The following LMF1 variants were observed in gnomAD, a reference collection of about 807,000 sequenced individuals.
The protein encoded by LMF1 is transmembrane protein 112.
LMF1 carries 68 observed loss-of-function variants against 60.6 expected under a neutral mutation model. The observed-to-expected ratio is 1.12, with a 90% CI of 0.92 to 1.37. LMF1 has a LOEUF of 1.37. Ranked by LOEUF, LMF1 falls within the 40% of genes most tolerant of loss-of-function variation. The pLI is 0.00. For missense variants in LMF1, 948 were observed against 767.2 expected (o/e 1.24, Z -2.78); for synonymous variants, 418 against 324.7 (o/e 1.29, Z -3.09).
chr16:977,486 T>C (rs2073181865), intron 1 of LMF1, among the ~76,000 whole-genome samples: 1 of 152,056 alleles, frequency 6.6e-6, no homozygotes, highest in South Asian at 2.1e-4. Flanking sequence ...AAGCACCAAT[T>C]AATCTCCCAG....
At chr16:869,315 C>T in intron 9 of LMF1, 1 of 671,860 alleles carries the variant, frequency 1.5e-6, no homozygotes, top group South Asian at 1.5e-5. Flanking sequence ...CCCCAGCACC[C>T]TCTGTCTGGG....
chr16:968,536 T>G (rs1279925474), intron 1 of LMF1: 1 of 152,148 alleles, frequency 6.6e-6, no homozygotes, highest in Non-Finnish European at 1.5e-5. Context: ...ATCCAGAACT[T>G]TCTAGAAGGA....
At chr16:906,076 C>T (rs191527887) in intron 4 of LMF1, among the ~76,000 whole-genome samples, 3 of 152,348 alleles carry the variant, frequency 2.0e-5, no homozygotes, top group East Asian at 1.9e-4. Context: ...GGGGGGTTCA[C>T]TTATCCAGGT....
intron 10 of LMF1, chr16:855,815 A>G: frequency 2.2e-6 from 1 of 455,570 alleles, no homozygotes; most frequent in Middle Eastern, 3.3e-4. Flanking sequence ...TGCTGTCATT[A>G]TTTGGGGCTT....
intron 3 of LMF1, chr16:933,198 G>A (rs1357969256): frequency 2.6e-5 from 4 of 152,294 alleles, no homozygotes; most frequent in Admixed American, 2.6e-4. Context: ...GGAAACCCAT[G>A]AGTGACAGTG....
At chr16:924,076 T>C (rs4984983) in intron 3 of LMF1, among the ~76,000 whole-genome samples, 7 of 152,022 alleles carry the variant, frequency 4.6e-5, no homozygotes, top group South Asian at 2.1e-4. Context: ...AGTCACAATA[T>C]TTACAGAGTC....
chr16:981,336 GA>G, upstream of LMF1: 4 of 333,194 alleles, frequency 1.2e-5, no homozygotes, highest in South Asian at 2.3e-5. Flanking sequence ...GAGAGAGAGA[GA>G]GAGAGAGAGA....
chr16:877,268 T>G (rs1036406659), intron 6 of LMF1, among the ~76,000 whole-genome samples: 11 of 152,096 alleles, frequency 7.2e-5, no homozygotes, highest in African/African-American at 2.7e-4. Flanking sequence ...GCCAAAAGAT[T>G]TGAAAACAGA....
intron 6 of LMF1, 151 bp downstream of exon 6, chr16:879,419 T>G (rs1376876790): frequency 2.2e-6 from 2 of 918,804 alleles, no homozygotes; most frequent in Non-Finnish European, 3.2e-6. Context: ...GTGGGGCCCG[T>G]GACACAAACG....
intron 2 of LMF1, among the ~76,000 whole-genome samples, chr16:941,357 C>T (rs1469942720): frequency 6.6e-6 from 1 of 152,170 alleles, no homozygotes; most frequent in Non-Finnish European, 1.5e-5. Flanking sequence ...GTGGCTGGGA[C>T]TACAGGCACG....
At position 970,905 on chromosome 16, in the gene LMF1, C is replaced by T. The variant is rs1262487007; in HGVS notation, c.76G>A (p.Glu26Lys). Reference sequence around the variant, plus strand: ...CCCGGCGCGGGCGGCGACTCAGGCTCCGGATCCGAGTACCCAGTCTTCCGC... The same window carrying T: ...CCCGGCGCGGGCGGCGACTCAGGCTTCGGATCCGAGTACCCAGTCTTCCGC... ...RRRKTGYSDP[E>K]PESPPAPGRG... The change falls in exon 1 of 11, where the codon GAG (glutamate) becomes AAG (lysine). Residue 26 changes from glutamate to lysine, a missense_variant. By Grantham distance (56) the Glu-to-Lys change is moderately conservative (BLOSUM62 1). Transcript: ENST00000262301. 3.8e-6 allele frequency: 6 copies of T among 1,581,440 alleles called. No individual in the cohort carries two copies. The highest frequency in any genetic ancestry group is 4.3e-6 in the Non-Finnish European group (5 of 1,165,488).
At chr16:857,474 TGA>T (rs1491385018) in intron 10 of LMF1, among the ~76,000 whole-genome samples, 2 of 113,526 alleles carry the variant, frequency 1.8e-5, no homozygotes, top group Non-Finnish European at 3.7e-5. Flanking sequence ...GGGACGGGTG[TGA>T]GTGGTGTCAC....
At chr16:978,110 CCA>C (rs1567350799) in intron 1 of LMF1, among the ~76,000 whole-genome samples, 1 of 139,448 alleles carries the variant, frequency 7.2e-6, no homozygotes, top group Admixed American at 7.0e-5. Context: ...CACACACACA[CCA>C]CACACCATAC....
chr16:863,283 G>A (rs571047836), intron 10 of LMF1, among the ~76,000 whole-genome samples: 1 of 152,270 alleles, frequency 6.6e-6, no homozygotes, highest in South Asian at 2.1e-4. Context: ...TGGGACTACA[G>A]GCACCTGCCA....
intron 3 of LMF1, chr16:933,871 G>T: frequency 1.0e-6 from 1 of 974,978 alleles, no homozygotes; most frequent in Non-Finnish European, 1.4e-6. Context: ...GCCCACCAGC[G>T]TGAGTGCCGT....
intron 5 of LMF1, among the ~76,000 whole-genome samples, chr16:884,603 C>T (rs185204266): frequency 7.9e-5 from 12 of 151,920 alleles, no homozygotes; most frequent in South Asian, 6.3e-4. Flanking sequence ...TGGATCTCCA[C>T]GCAGGAGTGA....
chr16:896,734 C>T lies in LMF1; in HGVS notation c.664-3662G>A, dbSNP rs74004017. ...CACCAGCTCTGCTCCCTGCAGAATCCGAGAGTGGAACTCTATGGAGATTCA... is the reference window on the plus strand; with the variant it reads ...CACCAGCTCTGCTCCCTGCAGAATCTGAGAGTGGAACTCTATGGAGATTCA... On this transcript the variant is annotated intron_variant, in intron 4 of 10. Transcript: ENST00000262301. Among the ~76,000 whole-genome samples, 648 of 152,080 alleles carry T rather than the reference C, an allele frequency of 4.3e-3. 3 individuals are homozygous for T. Among genetic ancestry groups the T allele is most frequent in the African/African-American group, 0.015 (610 of 41,476 alleles).
At chr16:869,719 C>T (rs113968424) in intron 9 of LMF1, among the ~76,000 whole-genome samples, 164 bp downstream of exon 9, 3 of 152,192 alleles carry the variant, frequency 2.0e-5, no homozygotes, top group African/African-American at 7.2e-5. Flanking sequence ...AAGGCTGGGC[C>T]TGGATGTCGT....
At chr16:932,634 G>C (rs1165570030) in intron 3 of LMF1, among the ~76,000 whole-genome samples, 1 of 152,136 alleles carries the variant, frequency 6.6e-6, no homozygotes, top group Non-Finnish European at 1.5e-5. Context: ...ATGTTGCCCA[G>C]GCTGGTCTGG....
Sources: allele counts gnomAD v4.1 joint callset (sites outside exome capture counted in the v4.1 genomes callset), GRCh38; gene constraint gnomAD v4.1.1; transcripts MANE v1.5; gene names NCBI Gene and HGNC (gene_info 2026-07-23, HGNC 2026-07-21).